The following HNF4G variants were observed in gnomAD, a reference collection of about 807,000 sequenced individuals.
HNF4G encodes hepatocyte nuclear factor 4-gamma.
A neutral mutation model predicts 50.9 loss-of-function variants in HNF4G; 21 were observed. That is an observed-to-expected ratio of 0.41 (90% CI 0.29 to 0.59). The LOEUF is 0.59. HNF4G is among the 20% of genes least tolerant of loss of function. The probability of loss-of-function intolerance (pLI) is 0.26; values close to 1 mark genes in which losing one functional copy is unlikely to be tolerated. For missense variants in HNF4G, 527 were observed against 559.4 expected (o/e 0.94, Z 0.58); for synonymous variants, 198 against 185.6 (o/e 1.07, Z -0.54).
At chr8:75,544,676 T>A (rs1806723111) in intron 2 of HNF4G, among the ~76,000 whole-genome samples, 1 of 151,734 alleles carries the variant, frequency 6.6e-6, no homozygotes, top group Admixed American at 6.6e-5. Context: ...TAATACCTAG[T>A]CAACATCATA....
chr8:75,546,168 C>A (rs1034036556), intron 2 of HNF4G, among the ~76,000 whole-genome samples: 4 of 151,976 alleles, frequency 2.6e-5, no homozygotes, highest in Admixed American at 6.6e-5. Context: ...TAATTTTTGC[C>A]AGAATTTTGA....
At chr8:75,493,226 G>A (rs1254412715) in intron 2 of HNF4G, among the ~76,000 whole-genome samples, 2 of 152,086 alleles carry the variant, frequency 1.3e-5, no homozygotes, top group Admixed American at 6.6e-5. Flanking sequence ...AGAAAAGACA[G>A]CAAGGTATAT....
intron 1 of HNF4G, among the ~76,000 whole-genome samples, chr8:75,478,802 C>T (rs1442577983): frequency 2.0e-5 from 3 of 152,142 alleles, no homozygotes; most frequent in African/African-American, 7.2e-5. Context: ...TTGCTCACCA[C>T]GACTTCCGCC....
Position 75,547,665 on chromosome 8 carries a change from G to T in HNF4G, c.366G>T (p.Ala122=), listed in dbSNP as rs773478439. The part of the protein sequence containing the change: ...RYCRLRKCFR[A]GMKKEAVQNE... ...GTCGATTAAGAAAGTGTTTTAGAGC[G>T]GGAATGAAAAAAGAAGGTAATAATA... Residue 122 remains alanine, a synonymous_variant, in exon 3 of 10, where the codon GCG becomes GCT. Transcript: ENST00000396423. The T allele has an allele frequency of 1.9e-6, 3 of 1,595,812 alleles. No individual in the cohort carries two copies. Among genetic ancestry groups the T allele is most frequent in the African/African-American group, 2.7e-5 (2 of 74,552 alleles).
intron 1 of HNF4G, among the ~76,000 whole-genome samples, chr8:75,425,772 C>A (rs1412039371): frequency 1.3e-5 from 2 of 151,710 alleles, no homozygotes; most frequent in South Asian, 2.1e-4. Context: ...GATGAATATG[C>A]CACAAATAAT....
chr8:75,555,626 A>G (rs2130808350), intron 5 of HNF4G, among the ~76,000 whole-genome samples: 1 of 152,178 alleles, frequency 6.6e-6, no homozygotes, highest in Non-Finnish European at 1.5e-5. Flanking sequence ...GTAAGTTCAA[A>G]CGTACTGGTT....
intron 1 of HNF4G, among the ~76,000 whole-genome samples, chr8:75,421,481 T>C (rs1033302395): frequency 1.3e-5 from 2 of 152,218 alleles, no homozygotes; most frequent in Non-Finnish European, 2.9e-5. Context: ...GGAAAAATAT[T>C]TTCTGGCATT....
At chr8:75,430,569 A>G (rs1810991300) in intron 1 of HNF4G, among the ~76,000 whole-genome samples, 1 of 151,938 alleles carries the variant, frequency 6.6e-6, no homozygotes, top group Non-Finnish European at 1.5e-5. Context: ...GGGTGTAGTG[A>G]AGGAAAAGGA....
chr8:75,466,224 G>A (rs992667359), intron 1 of HNF4G, among the ~76,000 whole-genome samples: 1 of 151,942 alleles, frequency 6.6e-6, no homozygotes, highest in East Asian at 1.9e-4. Context: ...TCTTTTTTCA[G>A]GGATTATTTT....
chr8:75,443,381 T>A (rs1030266929), intron 1 of HNF4G, among the ~76,000 whole-genome samples: 7 of 152,206 alleles, frequency 4.6e-5, no homozygotes, highest in African/African-American at 1.7e-4. Context: ...GAGAATAACA[T>A]TAGTATTAAT....
At chr8:75,544,106 G>T (rs1161870487) in intron 2 of HNF4G, 127 bp downstream of exon 2, 1 of 765,550 alleles carries the variant, frequency 1.3e-6, no homozygotes, top group Non-Finnish European at 2.1e-6. Context: ...TCTAAACTGC[G>T]GTACAAGTAA....
chr8:75,444,296 A>G (rs1400438476), intron 1 of HNF4G, among the ~76,000 whole-genome samples: 1 of 151,806 alleles, frequency 6.6e-6, no homozygotes, highest in Non-Finnish European at 1.5e-5. Context: ...CATGGAAAGG[A>G]ACAACCGGTA....
At chr8:75,563,027 A>G (rs1225938933) in intron 9 of HNF4G, among the ~76,000 whole-genome samples, 4 of 152,158 alleles carry the variant, frequency 2.6e-5, no homozygotes, top group Non-Finnish European at 5.9e-5. Context: ...AAGCTAATGT[A>G]TTAATGAACA....
intron 1 of HNF4G, among the ~76,000 whole-genome samples, chr8:75,450,829 T>C (rs1386375594): frequency 6.6e-6 from 1 of 152,170 alleles, no homozygotes; most frequent in Non-Finnish European, 1.5e-5. Flanking sequence ...AATGTTACTA[T>C]CATGGGAGTG....
At chr8:75,546,985 C>T (rs976049173) in intron 2 of HNF4G, among the ~76,000 whole-genome samples, 2 of 152,056 alleles carry the variant, frequency 1.3e-5, no homozygotes, top group African/African-American at 4.8e-5. Flanking sequence ...ACATTTTAAC[C>T]AGCAGTGTAT....
At chr8:75,427,018 T>C (rs1310995140) in intron 1 of HNF4G, among the ~76,000 whole-genome samples, 1 of 152,214 alleles carries the variant, frequency 6.6e-6, no homozygotes, top group Non-Finnish European at 1.5e-5. Context: ...TTAAGTGGTT[T>C]TAGTTTTGAA....
chr8:75,558,789 T>C lies in HNF4G; in HGVS notation c.887-12T>C, dbSNP rs371792508. 50 of 1,606,628 alleles carry C rather than the reference T, an allele frequency of 3.1e-5. No homozygotes were observed. The African/African-American group carries it at 6.3e-4, about 20-fold the overall frequency. On this transcript the variant is annotated splice_polypyrimidine_tract_variant and intron_variant, in intron 7 of 9. Transcript: ENST00000396423. ...TTAAATCTGTACACTGCCTCTCTTA[T>C]TCCTTTGTTAGATGCAAAAGGGCTA... is the stretch of plus-strand genomic sequence containing the variant.
At chr8:75,498,752 A>G (rs1812847704) in intron 2 of HNF4G, among the ~76,000 whole-genome samples, 1 of 152,114 alleles carries the variant, frequency 6.6e-6, no homozygotes, top group Admixed American at 6.6e-5. Flanking sequence ...GTGGTTCAAC[A>G]TTAAAAAATC....
At chr8:75,559,208 A>G (rs1807227221) in intron 8 of HNF4G, among the ~76,000 whole-genome samples, 171 bp downstream of exon 8, 1 of 151,462 alleles carries the variant, frequency 6.6e-6, no homozygotes, top group Non-Finnish European at 1.5e-5. Flanking sequence ...CATTTAGAAA[A>G]TTTGCAAGAC....
Sources: allele counts gnomAD v4.1 joint callset (sites outside exome capture counted in the v4.1 genomes callset), GRCh38; gene constraint gnomAD v4.1.1; transcripts MANE v1.5; gene names NCBI Gene and HGNC (gene_info 2026-07-23, HGNC 2026-07-21).